SGCZ: variants seen among roughly 807,000 people sequenced by gnomAD.
SGCZ encodes the protein zeta-sarcoglycan.
A neutral mutation model predicts 41.3 loss-of-function variants in SGCZ; 40 were observed. The observed-to-expected ratio is 0.97, with a 90% confidence interval of 0.75 to 1.26. The LOEUF (loss-of-function observed/expected upper bound fraction) is 1.26, where lower values mean the gene tolerates loss of function less well. Ranked by LOEUF, SGCZ falls within the 50% of genes most tolerant of loss-of-function variation. The pLI is 0.00. For missense variants in SGCZ, 552 were observed against 369.8 expected, an observed-to-expected ratio of 1.49 and a Z score of -4.04; for synonymous variants, 206 against 137.5, an observed-to-expected ratio of 1.50 and a Z score of -3.49.
At chr8:15,012,554 ATATATAACATATAAATATATATT>A (rs1477299678) in intron 1 of SGCZ, among the ~76,000 whole-genome samples, 27 of 98,804 alleles carry the variant, frequency 2.7e-4, no homozygotes, top group East Asian at 1.1e-3. Flanking sequence ...ATGAATATTT[ATATATAACATATAAATATATATT>A]TATATAACAT....
chr8:14,748,242 T>G (rs2247686), intron 1 of SGCZ, among the ~76,000 whole-genome samples: 41,605 of 152,020 alleles, frequency 0.27, 6,497 homozygotes, highest in Non-Finnish European at 0.36. Flanking sequence ...ATTATCTTCA[T>G]GTTACAGTTG....
At chr8:14,319,026 A>T (rs1801825208) in intron 3 of SGCZ, among the ~76,000 whole-genome samples, 1 of 151,938 alleles carries the variant, frequency 6.6e-6, no homozygotes, top group Non-Finnish European at 1.5e-5. Flanking sequence ...ACTCTAGATG[A>T]CAGTCACTTG....
chr8:14,226,368 T>C (rs1280177068), intron 4 of SGCZ, among the ~76,000 whole-genome samples: 1 of 152,008 alleles, frequency 6.6e-6, no homozygotes, highest in Non-Finnish European at 1.5e-5. Context: ...CAGAAAACTC[T>C]CTTGTGCTAT....
chr8:14,811,352 G>C (rs548475252), intron 1 of SGCZ, among the ~76,000 whole-genome samples: 1 of 151,732 alleles, frequency 6.6e-6, no homozygotes, highest in East Asian at 1.9e-4. Context: ...TTTGAATGAT[G>C]AGCTGTAGTG....
At chr8:14,253,840 T>C (rs1315307968) in intron 3 of SGCZ, among the ~76,000 whole-genome samples, 8 of 152,164 alleles carry the variant, frequency 5.3e-5, no homozygotes, top group African/African-American at 7.2e-5. Flanking sequence ...AATAATTTTT[T>C]CTCTCAAAGT....
intron 1 of SGCZ, among the ~76,000 whole-genome samples, chr8:15,140,935 T>C (rs1178803441): frequency 2.0e-5 from 3 of 152,228 alleles, no homozygotes; most frequent in Admixed American, 1.3e-4. Flanking sequence ...ATGACCACCG[T>C]ACATTTAATG....
intron 1 of SGCZ, among the ~76,000 whole-genome samples, chr8:14,988,812 G>A (rs749443311): frequency 6.6e-6 from 1 of 152,090 alleles, no homozygotes; most frequent in African/African-American, 2.4e-5. Context: ...AAATACCATT[G>A]AAATACTAAG....
At chr8:14,715,162 T>C (rs1809647550) in intron 1 of SGCZ, among the ~76,000 whole-genome samples, 2 of 152,158 alleles carry the variant, frequency 1.3e-5, no homozygotes, top group Non-Finnish European at 1.5e-5. Context: ...CCTTAAAAGG[T>C]CTCAAAAGGT....
chr8:14,233,785 A>G (rs149070465), intron 4 of SGCZ, among the ~76,000 whole-genome samples: 280 of 151,762 alleles, frequency 1.8e-3, no homozygotes, highest in Middle Eastern at 6.9e-3. Flanking sequence ...TAAAAGAAAA[A>G]TAATATTCTG....
chr8:15,114,685 C>T (rs1175936947), intron 1 of SGCZ, among the ~76,000 whole-genome samples: 1 of 151,762 alleles, frequency 6.6e-6, no homozygotes, highest in South Asian at 2.1e-4. Context: ...CAGATCTGAG[C>T]TAAAAGTTTA....
At chr8:14,696,586 T>C (rs1288234910) in intron 1 of SGCZ, among the ~76,000 whole-genome samples, 1 of 152,140 alleles carries the variant, frequency 6.6e-6, no homozygotes, top group African/African-American at 2.4e-5. Flanking sequence ...ACAGTTCTTT[T>C]TGATGGCCTT....
chr8:15,077,889 C>G (rs566735195), intron 1 of SGCZ, among the ~76,000 whole-genome samples: 10 of 152,132 alleles, frequency 6.6e-5, no homozygotes. Context: ...AATGCCTAGG[C>G]AGATAAGGAA....
intron 1 of SGCZ, among the ~76,000 whole-genome samples, chr8:14,794,629 G>A (rs1345487005): frequency 6.6e-6 from 1 of 152,122 alleles, no homozygotes. Flanking sequence ...AATAAAAATA[G>A]CATCATCAGA....
At chr8:14,984,938 T>C (rs1054029581) in intron 1 of SGCZ, among the ~76,000 whole-genome samples, 2 of 24,488 alleles carry the variant, frequency 8.2e-5, no homozygotes, top group Non-Finnish European at 7.0e-4. Context: ...TTTGTGGATT[T>C]TTCTGGGCCA....
chr8:15,107,544 T>C (rs1413010050), intron 1 of SGCZ, among the ~76,000 whole-genome samples: 18 of 152,208 alleles, frequency 1.2e-4, no homozygotes, highest in African/African-American at 4.3e-4. Context: ...CTTCTACTTT[T>C]TACCATGACT....
intron 1 of SGCZ, among the ~76,000 whole-genome samples, chr8:14,643,987 C>T (rs969982944): frequency 7.9e-6 from 1 of 126,550 alleles, no homozygotes; most frequent in African/African-American, 2.6e-5. Flanking sequence ...CTGTACAATT[C>T]TTAAAAATAT....
chr8:14,672,189 C>G (rs1220245608), intron 1 of SGCZ, among the ~76,000 whole-genome samples: 1 of 152,122 alleles, frequency 6.6e-6, no homozygotes, highest in African/African-American at 2.4e-5. Flanking sequence ...TACCACTCAT[C>G]TGGCAGTTAA....
intron 1 of SGCZ, among the ~76,000 whole-genome samples, chr8:14,567,478 A>G (rs1165153390): frequency 6.6e-6 from 1 of 152,128 alleles, no homozygotes; most frequent in Non-Finnish European, 1.5e-5. Flanking sequence ...TAAACGCACC[A>G]ATCAGCACCC....
At chr8:14,336,098 T>C (rs371323318) in intron 2 of SGCZ, among the ~76,000 whole-genome samples, 1 of 152,026 alleles carries the variant, frequency 6.6e-6, no homozygotes, top group Non-Finnish European at 1.5e-5. Context: ...CCCCAGTGTA[T>C]ATTGTTTCCC....
Sources: allele counts gnomAD v4.1 joint callset (sites outside exome capture counted in the v4.1 genomes callset), GRCh38; gene constraint gnomAD v4.1.1; transcripts MANE v1.5; gene names NCBI Gene and HGNC (gene_info 2026-07-23, HGNC 2026-07-21).